EVC2: variants seen among roughly 807,000 people sequenced by gnomAD.
EVC2 encodes the protein limbin.
EVC2 carries 148 observed loss-of-function variants against 149.3 expected under a neutral mutation model. That is an observed-to-expected ratio of 0.99 (90% CI 0.87 to 1.14). The LOEUF (loss-of-function observed/expected upper bound fraction) is 1.14. Ranked by LOEUF, EVC2 falls within the 50% of genes most tolerant of loss-of-function variation. The pLI is 0.00. For synonymous variants in EVC2, 776 were observed against 649.9 expected (o/e 1.19, Z -2.95); for missense variants, 1,854 against 1,627.3 (o/e 1.14, Z -2.40).
Position 5,584,855 on chromosome 4 carries a change from G to A in EVC2, c.2830-5C>T. 1 of 1,614,136 alleles carries A rather than the reference G, an allele frequency of 6.2e-7. No individual in the cohort carries two copies. The highest frequency in any genetic ancestry group is 1.1e-5 in the South Asian group (1 of 91,070). On this transcript the variant is annotated splice_polypyrimidine_tract_variant and splice_region_variant and intron_variant, in intron 16 of 21. Coordinates refer to ENST00000344408, the MANE Select transcript of EVC2 (RefSeq NM_147127.5). ...CCGCAGCAATTCACCTCGAACCTGG[G>A]AGGGGACAGGGATGGACCCAAACCC...
At chr4:5,571,083 A>T (rs1396708688) in intron 19 of EVC2, among the ~76,000 whole-genome samples, 1 of 152,112 alleles carries the variant, frequency 6.6e-6, no homozygotes, top group Non-Finnish European at 1.5e-5. Context: ...TGGGAGGCTG[A>T]GGCGGGTGGA....
At chr4:5,665,022 A>C (rs1719168484) in intron 8 of EVC2, among the ~76,000 whole-genome samples, 1 of 138,826 alleles carries the variant, frequency 7.2e-6, no homozygotes, top group African/African-American at 2.7e-5. Context: ...GGGTGACGGG[A>C]TGCGTGTGGG....
intron 15 of EVC2, among the ~76,000 whole-genome samples, chr4:5,615,791 G>A (rs1218829688): frequency 6.6e-6 from 1 of 152,192 alleles, no homozygotes; most frequent in East Asian, 1.9e-4. Flanking sequence ...CTGCTGGGCA[G>A]AACCTCAGCT....
intron 20 of EVC2, among the ~76,000 whole-genome samples, chr4:5,568,038 A>T (rs1385741885): frequency 2.0e-5 from 3 of 152,302 alleles, no homozygotes; most frequent in Non-Finnish European, 4.4e-5. Flanking sequence ...ACAAATACAC[A>T]TATTTACATG....
downstream of EVC2, among the ~76,000 whole-genome samples, chr4:5,560,268 CA>C (rs1721913238): frequency 6.6e-6 from 1 of 151,976 alleles, no homozygotes; most frequent in South Asian, 2.1e-4. This position sits in a 1 kb window ranked among gnomAD's most constrained non-coding sequence, Gnocchi z 4.1. Context: ...CCTAGAATGG[CA>C]AAAGGAATGA....
At chr4:5,692,142 C>G (rs1721160104) in intron 3 of EVC2, among the ~76,000 whole-genome samples, 1 of 152,206 alleles carries the variant, frequency 6.6e-6, no homozygotes, top group African/African-American at 2.4e-5. Flanking sequence ...GTCACGGACT[C>G]TGGCAGCTCT....
At chr4:5,653,993 C>T (rs1718327363) in intron 9 of EVC2, among the ~76,000 whole-genome samples, 1 of 152,172 alleles carries the variant, frequency 6.6e-6, no homozygotes, top group Admixed American at 6.5e-5. Flanking sequence ...GCAGGCGGAT[C>T]ACCTGAGGTA....
At chr4:5,597,173 T>C (rs1171733541) in intron 16 of EVC2, among the ~76,000 whole-genome samples, 1 of 152,156 alleles carries the variant, frequency 6.6e-6, no homozygotes, top group African/African-American at 2.4e-5. Context: ...TCTGAAACTA[T>C]TCCAATCAAT....
chr4:5,684,464 G>A (rs879411595), intron 6 of EVC2, among the ~76,000 whole-genome samples: 11 of 152,142 alleles, frequency 7.2e-5, no homozygotes, highest in Admixed American at 3.9e-4. Context: ...TTCCATGTCC[G>A]TGAATAGGGA....
At chr4:5,703,175 C>T (rs1286556284) in intron 1 of EVC2, among the ~76,000 whole-genome samples, 1 of 152,198 alleles carries the variant, frequency 6.6e-6, no homozygotes. Flanking sequence ...GCATGCAGTG[C>T]TTCTTTTTGC....
At chr4:5,536,762 C>A in the EVC2 span, among the ~76,000 whole-genome samples, 1 of 149,550 alleles carries the variant, frequency 6.7e-6, no homozygotes, top group Non-Finnish European at 1.5e-5. Flanking sequence ...CCAGCCTGGG[C>A]GACAGAGCAA....
intron 5 of EVC2, among the ~76,000 whole-genome samples, chr4:5,687,337 C>T (rs1720790876): frequency 1.3e-5 from 2 of 152,226 alleles, no homozygotes; most frequent in African/African-American, 2.4e-5. Context: ...GCACTTTCCA[C>T]AGCCGGGCTG....
intron 6 of EVC2, among the ~76,000 whole-genome samples, chr4:5,684,093 A>T (rs1720532066): frequency 6.6e-6 from 1 of 151,994 alleles, no homozygotes. Context: ...TTGCTAATTT[A>T]CTTGGTTTCC....
intron 20 of EVC2, among the ~76,000 whole-genome samples, chr4:5,566,754 T>C (rs1419438590): frequency 6.6e-6 from 1 of 151,912 alleles, no homozygotes; most frequent in East Asian, 1.9e-4. Flanking sequence ...GGCCTGTCCA[T>C]CTCTCCCCAC....
chr4:5,608,888 G>A (rs1714607769), intron 16 of EVC2, among the ~76,000 whole-genome samples: 1 of 152,140 alleles, frequency 6.6e-6, no homozygotes, highest in African/African-American at 2.4e-5. Context: ...CCCAATGTTG[G>A]TGGCTGTCAT....
rs79424765 is a variant in EVC2 at position 5,584,248 on chromosome 4, T to A, written c.3057+375A>T. On this transcript the variant is annotated intron_variant, in intron 17 of 21. Transcript: ENST00000344408. ...GAAAGAATGTAGCATGTTGCGATAA[T>A]GCTAATAATTAGAATTTTTTAAATA... 5.7e-3 allele frequency among the ~76,000 whole-genome samples: 874 copies of A among 152,314 alleles called. 11 individuals are homozygous for A. Among genetic ancestry groups the A allele is most frequent in the African/African-American group, 0.02 (826 of 41,570 alleles).
chr4:5,709,545 A>G (rs992155156), upstream of EVC2: 1 of 152,306 alleles, frequency 6.6e-6, no homozygotes, highest in African/African-American at 2.4e-5. Flanking sequence ...CTGAGAATTT[A>G]TAAGCCAAGT....
chr4:5,633,723 G>A lies in EVC2; in HGVS notation c.1471-1691C>T, dbSNP rs1332355211. ...GTAGAAGCCCGAGGAAGGCAGAAGG[G>A]GCTCCGGTGCACAGGGCAAAGGCCA... is the stretch of plus-strand genomic sequence containing the variant. On this transcript the variant is annotated intron_variant, in intron 10 of 21. Transcript: ENST00000344408. The surrounding 1 kb of genome is among the most constrained non-coding windows in gnomAD (Gnocchi z 4.4). Among the ~76,000 whole-genome samples, 1 of 152,234 alleles carries A rather than the reference G, an allele frequency of 6.6e-6. No individual in the cohort carries two copies. Among genetic ancestry groups the A allele is most frequent in the Non-Finnish European group, 1.5e-5 (1 of 68,042 alleles).
intron 16 of EVC2, 135 bp downstream of exon 16, chr4:5,615,287 A>C: frequency 7.0e-7 from 1 of 1,432,934 alleles, no homozygotes; most frequent in East Asian, 2.4e-5. Context: ...TTACCTTAGC[A>C]CCTGAGTGAG....
Sources: gnomAD v4.1 joint callset for allele counts (sites outside exome capture counted in the v4.1 genomes callset) on GRCh38, gnomAD v4.1.1 for gene constraint, Gnocchi (gnomAD v3.1) non-coding constraint, MANE v1.5 for transcripts, NCBI Gene and HGNC (gene_info 2026-07-23, HGNC 2026-07-21) for gene names.